GALNT3: variants seen among roughly 807,000 people sequenced by gnomAD.
GALNT3 encodes GalNAc transferase 3.
GALNT3 carries 51 observed loss-of-function variants against 69.8 expected under a neutral mutation model. That is an observed-to-expected ratio of 0.73 (90% CI 0.58 to 0.92). The LOEUF (loss-of-function observed/expected upper bound fraction) is 0.92, where lower values mean the gene tolerates loss of function less well. Among genes scored for constraint, GALNT3 ranks in the 40% least tolerant of loss-of-function variants. The pLI is 0.00. For synonymous variants in GALNT3, 265 were observed against 248.5 expected, an observed-to-expected ratio of 1.07 and a Z score of -0.63; for missense variants, 711 against 760.0, an observed-to-expected ratio of 0.94 and a Z score of 0.76.
At chr2:165,753,007 C>T (rs1241352872) in intron 9 of GALNT3, among the ~76,000 whole-genome samples, 1 of 152,084 alleles carries the variant, frequency 6.6e-6, no homozygotes, top group Non-Finnish European at 1.5e-5. Flanking sequence ...TTCAGAATTA[C>T]ACCTTAACCA....
intron 1 of GALNT3, among the ~76,000 whole-genome samples, chr2:165,791,485 T>C (rs1342250398): frequency 6.6e-6 from 1 of 152,184 alleles, no homozygotes; most frequent in East Asian, 1.9e-4. Flanking sequence ...CTGTTTTATA[T>C]TAATAAAACT....
Position 165,754,920 on chromosome 2 carries a change from G to A in GALNT3, c.1524+12C>T, listed in dbSNP as rs550354639. 1.9e-6 allele frequency: 3 copies of A among 1,612,928 alleles called. No individual in the cohort carries two copies. The highest frequency in any genetic ancestry group is 1.1e-5 in the South Asian group (1 of 91,048). On this transcript the variant is annotated intron_variant, in intron 8 of 10. Coordinates refer to ENST00000392701, the MANE Select transcript of GALNT3 (RefSeq NM_004482.4). ...AGTATATTAATTAAAAAAGGAACAG[G>A]AAAATACTCACGTATCCAGATATAA...
intron 1 of GALNT3, among the ~76,000 whole-genome samples, chr2:165,772,854 A>G (rs1688777490): frequency 6.6e-6 from 1 of 152,236 alleles, no homozygotes; most frequent in South Asian, 2.1e-4. Context: ...AGATCAGTTC[A>G]TAAAAACCCT....
At chr2:165,754,243 C>A (rs1373784050) in intron 9 of GALNT3, among the ~76,000 whole-genome samples, 1 of 151,756 alleles carries the variant, frequency 6.6e-6, no homozygotes, top group Non-Finnish European at 1.5e-5. Flanking sequence ...GCATGCACCA[C>A]CACGCCCGAC....
At chr2:165,781,810 T>C (rs892373958) in intron 1 of GALNT3, among the ~76,000 whole-genome samples, 2 of 152,256 alleles carry the variant, frequency 1.3e-5, no homozygotes, top group Admixed American at 6.5e-5. Flanking sequence ...AATGTTACGA[T>C]GATTAAGATT....
chr2:165,765,741 G>A (rs1463479197), intron 2 of GALNT3, among the ~76,000 whole-genome samples: 3 of 152,062 alleles, frequency 2.0e-5, no homozygotes, highest in African/African-American at 7.2e-5. Flanking sequence ...ACCCGCCTAG[G>A]CCTCCCAAAG....
At chr2:165,749,973 C>A in intron 9 of GALNT3, 79 bp from the exon 10 acceptor site, 2 of 1,212,174 alleles carry the variant, frequency 1.6e-6, no homozygotes, top group East Asian at 2.3e-5. Flanking sequence ...ATCAGCAACT[C>A]GTTAAATAAT....
chr2:165,761,206 C>T (rs1487870437), intron 4 of GALNT3, among the ~76,000 whole-genome samples: 3 of 151,900 alleles, frequency 2.0e-5, no homozygotes, highest in African/African-American at 7.3e-5. Flanking sequence ...TATTCACTCA[C>T]TCATTCATTC....
intron 1 of GALNT3, among the ~76,000 whole-genome samples, chr2:165,782,203 T>C (rs574705645): frequency 9.2e-5 from 14 of 152,238 alleles, no homozygotes; most frequent in African/African-American, 3.1e-4. Context: ...TTTACTATCT[T>C]TGAAGAAAGG....
Position 165,760,885 on chromosome 2 carries a change from G to A in GALNT3, c.838+1020C>T, listed in dbSNP as rs370116713. On this transcript the variant is annotated intron_variant, in intron 4 of 10. Transcript: ENST00000392701. ...CATATGACACATTGACTCTAAAAAT[G>A]CTTTCTAAATACTTCAAAAACTTTG... is the stretch of plus-strand genomic sequence containing the variant. 2.2e-4 allele frequency among the ~76,000 whole-genome samples: 34 copies of A among 152,136 alleles called. 1 individual carries two copies. The highest frequency in any genetic ancestry group is 7.2e-4 in the African/African-American group (30 of 41,510).
chr2:165,777,715 A>T (rs909092522), intron 1 of GALNT3, among the ~76,000 whole-genome samples: 4 of 152,220 alleles, frequency 2.6e-5, no homozygotes, highest in African/African-American at 9.6e-5. Context: ...CACTGATGCA[A>T]AGCAAACTGC....
At chr2:165,768,708 A>G (rs1688692400) in intron 2 of GALNT3, among the ~76,000 whole-genome samples, 1 of 152,124 alleles carries the variant, frequency 6.6e-6, no homozygotes, top group African/African-American at 2.4e-5. Flanking sequence ...CTTCAAGTTC[A>G]CTGCCAAATG....
intron 6 of GALNT3, 33 bp from the exon 7 acceptor site, chr2:165,757,280 G>C: frequency 1.3e-6 from 2 of 1,598,144 alleles, no homozygotes; most frequent in Non-Finnish European, 1.7e-6. Context: ...TAAATTTACA[G>C]TATTTTAGAA....
At chr2:165,784,593 C>T (rs762532867) in intron 1 of GALNT3, among the ~76,000 whole-genome samples, 5 of 151,932 alleles carry the variant, frequency 3.3e-5, no homozygotes, top group Non-Finnish European at 5.9e-5. Flanking sequence ...CCCAGCTACT[C>T]GGGAGGCTGA....
intron 4 of GALNT3, among the ~76,000 whole-genome samples, 175 bp from the exon 5 acceptor site, chr2:165,759,745 T>G (rs1688510639): frequency 6.6e-6 from 1 of 152,192 alleles, no homozygotes; most frequent in Admixed American, 6.5e-5. Context: ...CAAATAAAAA[T>G]TCTATACATT....
chr2:165,756,527 C>T (rs1389026343), intron 7 of GALNT3, among the ~76,000 whole-genome samples: 1 of 152,088 alleles, frequency 6.6e-6, no homozygotes, highest in East Asian at 1.9e-4. Context: ...GTTAAGCATG[C>T]ACTCCATGTC....
chr2:165,749,427 AAT>A (rs1436091954), intron 10 of GALNT3, among the ~76,000 whole-genome samples: 6 of 152,138 alleles, frequency 3.9e-5, no homozygotes, highest in Admixed American at 2.6e-4. Context: ...ACAGAAAAAA[AAT>A]ATGACTGTTG....
intron 1 of GALNT3, among the ~76,000 whole-genome samples, chr2:165,791,032 T>C (rs1408967930): frequency 6.6e-6 from 1 of 151,960 alleles, no homozygotes; most frequent in African/African-American, 2.4e-5. Context: ...CAGAAAAAAA[T>C]ATTTCTAGTT....
chr2:165,764,210 TGTAA>T (rs1248245075), intron 3 of GALNT3, among the ~76,000 whole-genome samples: 1 of 152,202 alleles, frequency 6.6e-6, no homozygotes, highest in African/African-American at 2.4e-5. Context: ...TGACTAACAT[TGTAA>T]GTAATATTGG....
Sources: allele counts gnomAD v4.1 joint callset (sites outside exome capture counted in the v4.1 genomes callset), GRCh38; gene constraint gnomAD v4.1.1; transcripts MANE v1.5; gene names NCBI Gene and HGNC (gene_info 2026-07-23, HGNC 2026-07-21).